TMEM178A: variants seen among roughly 807,000 people sequenced by gnomAD.
TMEM178A encodes transmembrane protein 178.
A neutral mutation model predicts 29.1 loss-of-function variants in TMEM178A; 12 were observed. The observed-to-expected ratio is 0.41, with a 90% CI of 0.26 to 0.67. The LOEUF (loss-of-function observed/expected upper bound fraction) is 0.67, where lower values mean the gene tolerates loss of function less well. TMEM178A is among the 30% of genes least tolerant of loss of function. The pLI, the probability that TMEM178A is intolerant of heterozygous loss-of-function variation, is 0.29. For missense variants in TMEM178A, 366 were observed against 419.1 expected, an observed-to-expected ratio of 0.87 and a Z score of 1.11; for synonymous variants, 210 against 187.2, an observed-to-expected ratio of 1.12 and a Z score of -0.99.
chr2:39,731,659 G>A, the TMEM178A span, among the ~76,000 whole-genome samples: 2 of 152,158 alleles, frequency 1.3e-5, no homozygotes, highest in Non-Finnish European at 1.5e-5. Flanking sequence ...AAACCATCAC[G>A]TTGGGAATCA....
intron 3 of TMEM178A, among the ~76,000 whole-genome samples, chr2:39,713,748 A>G (rs938056002): frequency 1.3e-5 from 2 of 152,256 alleles, no homozygotes; most frequent in African/African-American, 2.4e-5. Flanking sequence ...GCAAACTCAC[A>G]CATATGAGTA....
At chr2:39,722,189 G>GCTGACATATTTTAGA (rs1474033511), downstream of TMEM178A, among the ~76,000 whole-genome samples, 1 of 151,860 alleles carries the variant, frequency 6.6e-6, no homozygotes, top group Non-Finnish European at 1.5e-5. Context: ...TTTTAGAGAT[G>GCTGACATATTTTAGA]GAATTGATTT....
downstream of TMEM178A, among the ~76,000 whole-genome samples, chr2:39,722,453 T>C (rs771908607): frequency 1.3e-5 from 2 of 152,222 alleles, no homozygotes; most frequent in Non-Finnish European, 2.9e-5. Context: ...CAAATGCTCC[T>C]TCTTGCTAAC....
At chr2:39,731,904 G>A in the TMEM178A span, among the ~76,000 whole-genome samples, 2 of 152,162 alleles carry the variant, frequency 1.3e-5, no homozygotes, top group African/African-American at 4.8e-5. Flanking sequence ...CACTGGGCAG[G>A]CAATCTTCCA....
the TMEM178A span, among the ~76,000 whole-genome samples, chr2:39,731,898 GGGCA>G: frequency 6.6e-6 from 1 of 152,166 alleles, no homozygotes; most frequent in Non-Finnish European, 1.5e-5. Context: ...GTAGGGCACT[GGGCA>G]GGCAATCTTC....
intron 1 of TMEM178A, among the ~76,000 whole-genome samples, chr2:39,685,529 A>G (rs1671041124): frequency 6.6e-6 from 1 of 152,102 alleles, no homozygotes; most frequent in Admixed American, 6.5e-5. Flanking sequence ...CATTCATTTT[A>G]TAGGTAGGAT....
intron 1 of TMEM178A, among the ~76,000 whole-genome samples, chr2:39,681,791 C>G (rs1463264328): frequency 6.6e-6 from 1 of 152,190 alleles, no homozygotes; most frequent in Non-Finnish European, 1.5e-5. Flanking sequence ...CTTTCTCTCA[C>G]AAAACTCAGA....
intron 1 of TMEM178A, among the ~76,000 whole-genome samples, chr2:39,694,149 A>G (rs1572673033): frequency 7.9e-6 from 1 of 125,836 alleles, no homozygotes; most frequent in Non-Finnish European, 1.7e-5. Flanking sequence ...AAAAGTAGCA[A>G]TAGTAGTAGT....
intron 2 of TMEM178A, among the ~76,000 whole-genome samples, chr2:39,705,964 A>G (rs1384840190): frequency 6.6e-6 from 1 of 152,184 alleles, no homozygotes; most frequent in Non-Finnish European, 1.5e-5. Context: ...TTAGCGAACA[A>G]TTTTTAAAGT....
intron 3 of TMEM178A, among the ~76,000 whole-genome samples, chr2:39,708,200 C>T (rs533556109): frequency 6.5e-4 from 99 of 152,202 alleles, no homozygotes; most frequent in Non-Finnish European, 1.4e-3. Context: ...GTAGGAAGAG[C>T]GTAGCAGACT....
At chr2:39,689,106 A>T (rs1671204796) in intron 1 of TMEM178A, among the ~76,000 whole-genome samples, 1 of 152,218 alleles carries the variant, frequency 6.6e-6, no homozygotes, top group Non-Finnish European at 1.5e-5. Context: ...TCATTTTCAT[A>T]AAGGAAACAA....
At position 39,666,235 on chromosome 2, in the gene TMEM178A, C is replaced by G; in HGVS notation, c.261C>G (p.Pro87=). ...CGGGCGGCCCGGGGCGCGCCGACCC[C>G]GAGTCCTGGCGCTCGCTCCTGGGGC... ...LLPGGPGRAD[P]ESWRSLLGLG... Residue 87 remains proline (P), a synonymous_variant, in exon 1 of 4, where the codon CCC becomes CCG. Coordinates refer to ENST00000281961, the MANE Select transcript of TMEM178A (RefSeq NM_152390.3). 1 of 1,348,568 alleles carries G rather than the reference C, an allele frequency of 7.4e-7. No homozygotes were observed. The highest frequency in any genetic ancestry group is 9.5e-7 in the Non-Finnish European group (1 of 1,057,878). 83.5% of individuals were successfully genotyped at this position (1,348,568 alleles called of 1,614,324 possible). A position where few individuals can be genotyped will look rare whatever the true frequency, so the allele number is the denominator to read the frequency against.
At chr2:39,686,992 T>C (rs1373114086) in intron 1 of TMEM178A, among the ~76,000 whole-genome samples, 3 of 150,628 alleles carry the variant, frequency 2.0e-5, no homozygotes, top group African/African-American at 7.3e-5. Flanking sequence ...TGTGTGTGTG[T>C]GTGTGTGTGT....
chr2:39,730,675 T>G, the TMEM178A span, among the ~76,000 whole-genome samples: 1 of 152,138 alleles, frequency 6.6e-6, no homozygotes, highest in Non-Finnish European at 1.5e-5. Flanking sequence ...GACCAATGGA[T>G]GGTATGGAAT....
At chr2:39,691,864 G>T (rs376986974) in intron 1 of TMEM178A, among the ~76,000 whole-genome samples, 1 of 151,420 alleles carries the variant, frequency 6.6e-6, no homozygotes, top group Admixed American at 6.6e-5. Context: ...GGACCTTTAG[G>T]TTGCTTCTTG....
chr2:39,711,860 G>A (rs1217176157), intron 3 of TMEM178A, among the ~76,000 whole-genome samples: 1 of 152,102 alleles, frequency 6.6e-6, no homozygotes, highest in Non-Finnish European at 1.5e-5. Context: ...AAGGTCTGGG[G>A]TGGCATCTTG....
At chr2:39,703,166 G>C (rs533009228) in intron 1 of TMEM178A, among the ~76,000 whole-genome samples, 3 of 152,126 alleles carry the variant, frequency 2.0e-5, no homozygotes, top group Admixed American at 2.0e-4. Flanking sequence ...ACTAACATTC[G>C]CTCATGCCTT....
intron 1 of TMEM178A, among the ~76,000 whole-genome samples, chr2:39,681,930 G>A (rs1670887087): frequency 6.6e-6 from 1 of 152,158 alleles, no homozygotes; most frequent in Non-Finnish European, 1.5e-5. Context: ...ACTCCAGAGG[G>A]AGAGGAATAG....
chr2:39,672,111 A>G (rs976873344), intron 1 of TMEM178A, among the ~76,000 whole-genome samples: 7 of 152,202 alleles, frequency 4.6e-5, no homozygotes, highest in East Asian at 1.9e-4. Context: ...GTGATATTCA[A>G]TGTTTCAACA....
Sources: gnomAD v4.1 joint callset for allele counts (sites outside exome capture counted in the v4.1 genomes callset) on GRCh38, gnomAD v4.1.1 for gene constraint, MANE v1.5 for transcripts, NCBI Gene and HGNC (gene_info 2026-07-23, HGNC 2026-07-21) for gene names.